The following DNAH11 variants were observed in gnomAD, a reference collection of about 807,000 sequenced individuals.
The protein encoded by DNAH11 is axonemal beta dynein heavy chain 11.
Under a neutral mutation model 526.0 loss-of-function variants are expected in DNAH11, and 442 were observed. That is an observed-to-expected ratio of 0.84 (90% CI 0.78 to 0.91). DNAH11 has a LOEUF of 0.91. DNAH11 is among the 40% of genes least tolerant of loss of function. The pLI, the probability that DNAH11 is intolerant of heterozygous loss-of-function variation, is 0.00. For synonymous variants in DNAH11, 2,461 were observed against 1,935.9 expected (o/e 1.27, Z -7.12); for missense variants, 6,989 against 5,448.7 (o/e 1.28, Z -8.90).
chr7:21,879,957 C>T (rs919108147), intron 74 of DNAH11, among the ~76,000 whole-genome samples: 2 of 151,732 alleles, frequency 1.3e-5, no homozygotes, highest in Admixed American at 6.6e-5. Context: ...TGGTGGCATG[C>T]ACCTGTAATC....
intron 69 of DNAH11, among the ~76,000 whole-genome samples, chr7:21,862,592 T>C (rs1783107738): frequency 6.6e-6 from 1 of 152,164 alleles, no homozygotes; most frequent in Admixed American, 6.5e-5. Flanking sequence ...CATTCTACAA[T>C]ATAAACATGT....
chr7:21,786,821 A>G (rs1788215710), intron 59 of DNAH11, 54 bp downstream of exon 59: 14 of 1,600,232 alleles, frequency 8.7e-6, no homozygotes, highest in Non-Finnish European at 1.2e-5. Flanking sequence ...TACTGTTTTC[A>G]GTACTGTGGT....
chr7:21,786,107 A>C (rs1418759511), intron 58 of DNAH11, among the ~76,000 whole-genome samples: 1 of 152,218 alleles, frequency 6.6e-6, no homozygotes, highest in Non-Finnish European at 1.5e-5. Context: ...AAGAAAGTTC[A>C]GCCTATCTTG....
At chr7:21,673,687 T>C (rs532261753) in intron 30 of DNAH11, among the ~76,000 whole-genome samples, 1 of 152,240 alleles carries the variant, frequency 6.6e-6, no homozygotes, top group East Asian at 1.9e-4. Context: ...CCCTCATTAC[T>C]CAAAACAAAA....
rs1230766922 is a variant in DNAH11, at chr7:21,710,684, C to A, written c.6815C>A (p.Thr2272Asn). 2 of 1,612,516 alleles carry A rather than the reference C, an allele frequency of 1.2e-6. No individual in the cohort carries two copies. Among genetic ancestry groups the A allele is most frequent in the Non-Finnish European group, 1.7e-6 (2 of 1,179,198 alleles). The change falls in exon 41 of 82, where the codon ACT (threonine) becomes AAT (asparagine). Residue 2272 changes from threonine to asparagine, a missense_variant. Coordinates refer to ENST00000409508, the MANE Select transcript of DNAH11 (RefSeq NM_001277115.2). ...IDPMWIESLNTVMDDNKVLTL... is the reference protein window; with the variant it reads ...IDPMWIESLNNVMDDNKVLTL... Reference sequence around the variant, plus strand: ...CCCATGTGGATTGAATCACTGAATACTGTAATGGATGATAACAAGGTGAAT... The same window carrying A: ...CCCATGTGGATTGAATCACTGAATAATGTAATGGATGATAACAAGGTGAAT...
intron 1 of DNAH11, among the ~76,000 whole-genome samples, chr7:21,544,599 A>C (rs373266282): frequency 6.6e-6 from 1 of 152,238 alleles, no homozygotes; most frequent in Non-Finnish European, 1.5e-5. Context: ...AATACAAATT[A>C]ACCTCTTGGG....
In DNAH11 at chr7:21,765,455, C is replaced by G. The variant is rs777256888; in HGVS notation, c.8968C>G (p.Arg2990Gly). The stretch of plus-strand genomic sequence containing the variant: ...CATTTTGTGTTTCTCTCCAGTTGGT[C>G]GCACGCTGAGAGTTAGAGCTCGGAA... ...KIILCFSPVG[R>G]TLRVRARKFP... The change falls in exon 55 of 82, where the codon CGC (arginine) becomes GGC (glycine). Residue 2990 changes from arginine (R) to glycine (G), a missense_variant. Coordinates refer to ENST00000409508, the MANE Select transcript of DNAH11 (RefSeq NM_001277115.2). 1 of 1,613,790 alleles carries G rather than the reference C, an allele frequency of 6.2e-7. No individual in the cohort carries two copies. Among genetic ancestry groups the G allele is most frequent in the Admixed American group, 1.7e-5 (1 of 59,990 alleles).
chr7:21,612,762 G>A (rs548934702), intron 20 of DNAH11, among the ~76,000 whole-genome samples: 72 of 152,132 alleles, frequency 4.7e-4, no homozygotes, highest in Non-Finnish European at 2.4e-4. Context: ...TCTTTCTCAC[G>A]TACATATAGA....
At chr7:21,600,207 C>A in intron 15 of DNAH11, 88 bp downstream of exon 15, 3 of 1,183,642 alleles carry the variant, frequency 2.5e-6, no homozygotes, top group Non-Finnish European at 3.4e-6. Flanking sequence ...TGCTGGGAAT[C>A]CCAGAACTTT....
At chr7:21,636,606 C>T (rs796158059) in intron 26 of DNAH11, among the ~76,000 whole-genome samples, 95 of 152,006 alleles carry the variant, frequency 6.2e-4, no homozygotes, top group African/African-American at 2.2e-3. Flanking sequence ...GGCAAGGTGG[C>T]CCAAGCTTGC....
intron 68 of DNAH11, among the ~76,000 whole-genome samples, chr7:21,858,236 G>A (rs1173434640): frequency 6.6e-6 from 1 of 152,170 alleles, no homozygotes; most frequent in African/African-American, 2.4e-5. Context: ...AATAGCAAGT[G>A]TAGCACAGAT....
At chr7:21,651,856 C>T (rs935225740) in intron 28 of DNAH11, among the ~76,000 whole-genome samples, 8 of 152,212 alleles carry the variant, frequency 5.3e-5, no homozygotes, top group African/African-American at 1.7e-4. Flanking sequence ...GCCTAAGTAA[C>T]AGATGTGCAT....
Position 21,784,468 on chromosome 7 carries a change from A to G in DNAH11, c.9525A>G (p.Glu3175=). ...CTGAAGTGTTCCAGAAACAGAGAGA[A>G]TGTGAAGCTGACTTACTCAAGGCTG... The part of the protein sequence containing the change: ...IQTEVFQKQR[E]CEADLLKAEP... Residue 3175 remains glutamate, a synonymous_variant, in exon 58 of 82, where the codon GAA becomes GAG. Transcript: ENST00000409508. 6.2e-7 allele frequency: 1 copy of G among 1,613,594 alleles called. No individual in the cohort carries two copies. The highest frequency in any genetic ancestry group is 2.2e-5 in the East Asian group (1 of 44,838).
intron 30 of DNAH11, among the ~76,000 whole-genome samples, chr7:21,678,407 T>C (rs980681987): frequency 1.3e-5 from 2 of 152,176 alleles, no homozygotes; most frequent in African/African-American, 4.8e-5. Context: ...GTTCCACTGG[T>C]CTATGTGCCT....
At chr7:21,569,581 G>A (rs943605384) in intron 6 of DNAH11, among the ~76,000 whole-genome samples, 2 of 152,146 alleles carry the variant, frequency 1.3e-5, no homozygotes, top group African/African-American at 4.8e-5. Context: ...GCCCCCAGAA[G>A]AGAAGTTTGC....
intron 9 of DNAH11, among the ~76,000 whole-genome samples, chr7:21,587,829 G>A (rs920052818): frequency 1.3e-5 from 2 of 152,142 alleles, no homozygotes; most frequent in African/African-American, 4.8e-5. Flanking sequence ...ATTGCAGACA[G>A]ACAGTGGTTC....
At chr7:21,594,748 A>T (rs1405321015) in intron 14 of DNAH11, among the ~76,000 whole-genome samples, 2 of 151,654 alleles carry the variant, frequency 1.3e-5, no homozygotes, top group Middle Eastern at 3.2e-3. Context: ...GTGTGGGGGG[A>T]GTAGAGGGAG....
rs1782679951 is a variant in DNAH11, at chr7:21,852,453, T to C, written c.10897-14T>C. 1.5e-5 allele frequency: 24 copies of C among 1,602,348 alleles called. No individual in the cohort carries two copies. Among genetic ancestry groups the C allele is most frequent in the Non-Finnish European group, 2.0e-5 (24 of 1,176,536 alleles). On this transcript the variant is annotated splice_polypyrimidine_tract_variant and intron_variant, in intron 66 of 81. Coordinates refer to ENST00000409508, the MANE Select transcript of DNAH11 (RefSeq NM_001277115.2). ...TTAACCACCATTTCCCACACTTTTC[T>C]TGGTTTTTATTAGTTGGTATTGACA...
rs1335286396 is a variant in DNAH11, at chr7:21,742,171, C to T, written c.8154+5C>T. On this transcript the variant is annotated splice_donor_5th_base_variant and intron_variant, in intron 49 of 81. Coordinates refer to ENST00000409508, the MANE Select transcript of DNAH11 (RefSeq NM_001277115.2). ...GATTTATCAAACGTCTTCCAGGTAC[C>T]TTGACTGCTCTATGTTATGCCTCTT... is the stretch of plus-strand genomic sequence containing the variant. The T allele has an allele frequency of 1.9e-6, 3 of 1,613,306 alleles. No homozygotes were observed. Among genetic ancestry groups the T allele is most frequent in the Non-Finnish European group, 8.5e-7 (1 of 1,179,706 alleles).
Sources: gnomAD v4.1 joint callset for allele counts (sites outside exome capture counted in the v4.1 genomes callset) on GRCh38, gnomAD v4.1.1 for gene constraint, MANE v1.5 for transcripts, NCBI Gene and HGNC (gene_info 2026-07-23, HGNC 2026-07-21) for gene names.